ATXN1: variants seen among roughly 807,000 people sequenced by gnomAD.
ATXN1 encodes the protein ataxin 1.
A neutral mutation model predicts 56.4 loss-of-function variants in ATXN1; 8 were observed. The ratio of observed to expected loss-of-function variants is 0.14; its 90% confidence interval spans 0.08 to 0.26. The LOEUF is 0.26. Ranked by LOEUF, ATXN1 falls within the 10% of genes least tolerant of loss-of-function variation. The probability of loss-of-function intolerance (pLI) is 1.00; values close to 1 mark genes in which losing one functional copy is unlikely to be tolerated. For missense variants in ATXN1, 987 were observed against 1,106.5 expected, an observed-to-expected ratio of 0.89 and a Z score of 1.53; for synonymous variants, 514 against 494.6, an observed-to-expected ratio of 1.04 and a Z score of -0.52.
chr6:16,740,793 AAAGCAC>A (rs1760314580), intron 2 of ATXN1, among the ~76,000 whole-genome samples: 1 of 152,106 alleles, frequency 6.6e-6, no homozygotes, highest in South Asian at 2.1e-4. Flanking sequence ...TTGGCCTCCC[AAAGCAC>A]TGGGATTCGA....
At chr6:16,329,711 C>T (rs568008158) in intron 6 of ATXN1, among the ~76,000 whole-genome samples, 1 of 152,340 alleles carries the variant, frequency 6.6e-6, no homozygotes, top group African/African-American at 2.4e-5. Context: ...GCCATTAACA[C>T]TAGAGACGAC....
chr6:16,388,002 G>A (rs1238827039), intron 6 of ATXN1, among the ~76,000 whole-genome samples: 1 of 152,210 alleles, frequency 6.6e-6, no homozygotes, highest in African/African-American at 2.4e-5. Flanking sequence ...ACCAGTCAGT[G>A]GAGGAGCCAA....
intron 2 of ATXN1, among the ~76,000 whole-genome samples, chr6:16,716,055 A>C (rs1291787786): frequency 1.4e-4 from 21 of 152,020 alleles, no homozygotes; most frequent in African/African-American, 3.4e-4. Context: ...CAACACCCCC[A>C]CCCACTCAAG....
intron 2 of ATXN1, among the ~76,000 whole-genome samples, chr6:16,665,963 C>T (rs944236355): frequency 2.0e-5 from 3 of 152,178 alleles, no homozygotes; most frequent in Admixed American, 6.5e-5. Context: ...GGATACCCAT[C>T]ACTTCATTTC....
At chr6:16,576,307 T>C (rs751190205) in intron 4 of ATXN1, among the ~76,000 whole-genome samples, 1 of 152,182 alleles carries the variant, frequency 6.6e-6, no homozygotes, top group Admixed American at 6.5e-5. Context: ...CTACATATGA[T>C]AGTTCAGCCC....
rs941491157 is a variant in ATXN1, at chr6:16,422,233, C to T, written c.-161+63739G>A. ...AGAAATATCAGACACTCAAGTACTC[C>T]GGCGACACACTGAGCAAATGTTTTT... On this transcript the variant is annotated intron_variant, in intron 6 of 7. Transcript: ENST00000436367. 7.2e-5 allele frequency among the ~76,000 whole-genome samples: 11 copies of T among 152,082 alleles called. No homozygotes were observed. In the East Asian group the frequency reaches 7.7e-4, roughly 11 times the overall value.
chr6:16,528,804 G>A (rs1038047593), intron 4 of ATXN1, among the ~76,000 whole-genome samples: 2 of 152,118 alleles, frequency 1.3e-5, no homozygotes, highest in East Asian at 1.9e-4. Context: ...GGGTTTCACG[G>A]TCAAAGAGAA....
intron 6 of ATXN1, among the ~76,000 whole-genome samples, chr6:16,347,088 G>A (rs531169236): frequency 7.2e-5 from 11 of 152,344 alleles, no homozygotes; most frequent in Admixed American, 2.0e-4. Context: ...GGCAGGGCTC[G>A]GGACCTGCAG....
intron 2 of ATXN1, among the ~76,000 whole-genome samples, chr6:16,730,850 C>T (rs765321242): frequency 2.0e-5 from 3 of 152,128 alleles, no homozygotes; most frequent in Non-Finnish European, 4.4e-5. Flanking sequence ...AGTGGAAAAG[C>T]CATAAATACA....
intron 6 of ATXN1, among the ~76,000 whole-genome samples, chr6:16,445,336 A>T (rs910943398): frequency 6.6e-6 from 1 of 152,138 alleles, no homozygotes; most frequent in Non-Finnish European, 1.5e-5. Context: ...AGTCAACAGC[A>T]ATCTGTTATG....
At chr6:16,752,308 C>G (rs997672531) in intron 2 of ATXN1, among the ~76,000 whole-genome samples, 1 of 152,142 alleles carries the variant, frequency 6.6e-6, no homozygotes. Context: ...GCTGGAAGAC[C>G]GGCCGACCCA....
intron 2 of ATXN1, among the ~76,000 whole-genome samples, chr6:16,687,650 GAAGA>G (rs748154640): frequency 1.3e-5 from 1 of 76,140 alleles, no homozygotes; most frequent in Non-Finnish European, 2.4e-5. Context: ...TGGAATCAAA[GAAGA>G]AATACACACA....
intron 7 of ATXN1, among the ~76,000 whole-genome samples, chr6:16,319,422 T>C (rs375412750): frequency 5.3e-5 from 8 of 152,100 alleles, no homozygotes; most frequent in African/African-American, 1.9e-4. Flanking sequence ...AAATGATCAG[T>C]GGGTGCCAGG....
intron 7 of ATXN1, among the ~76,000 whole-genome samples, chr6:16,312,809 G>A (rs182613210): frequency 6.1e-4 from 93 of 151,854 alleles, no homozygotes; most frequent in African/African-American, 2.0e-3. Context: ...TAACCCCTTC[G>A]TCTCCCCCCA....
At chr6:16,590,058 T>C (rs532714173) in intron 3 of ATXN1, among the ~76,000 whole-genome samples, 42 of 152,308 alleles carry the variant, frequency 2.8e-4, no homozygotes, top group Admixed American at 7.8e-4. Flanking sequence ...GACGTAATTA[T>C]AAATACTTAC....
intron 3 of ATXN1, chr6:16,616,172 A>AAATG (rs1298942129): frequency 1.4e-4 from 22 of 152,336 alleles, no homozygotes; most frequent in African/African-American, 5.1e-4. Context: ...CAAAATTATC[A>AAATG]TTATTGGAAA....
intron 4 of ATXN1, among the ~76,000 whole-genome samples, chr6:16,573,231 C>T (rs1561761029): frequency 6.6e-6 from 1 of 151,784 alleles, no homozygotes; most frequent in Non-Finnish European, 1.5e-5. Context: ...TACATTATTC[C>T]TCGATGTAGG....
intron 2 of ATXN1, among the ~76,000 whole-genome samples, chr6:16,675,331 T>A (rs959263229): frequency 1.3e-5 from 2 of 152,180 alleles, no homozygotes; most frequent in African/African-American, 2.4e-5. Flanking sequence ...CTTTCTTCAA[T>A]TGCACCATAG....
chr6:16,359,930 G>T (rs748652575), intron 6 of ATXN1, among the ~76,000 whole-genome samples: 1 of 152,002 alleles, frequency 6.6e-6, no homozygotes, highest in Non-Finnish European at 1.5e-5. Flanking sequence ...GGGTGGGAGG[G>T]GGGTGAGGGA....
Sources: allele counts gnomAD v4.1 joint callset (sites outside exome capture counted in the v4.1 genomes callset), GRCh38; gene constraint gnomAD v4.1.1; transcripts MANE v1.5; gene names NCBI Gene and HGNC (gene_info 2026-07-23, HGNC 2026-07-21).